Variants in CENPF observed in about 807,000 individuals in gnomAD.
CENPF encodes AH antigen.
Under a neutral mutation model 307.3 loss-of-function variants are expected in CENPF, and 214 were observed. The observed-to-expected ratio is 0.70, with a 90% CI of 0.62 to 0.78. The LOEUF is 0.78. Among genes scored for constraint, CENPF ranks in the 30% least tolerant of loss-of-function variants. The pLI is 0.00. For synonymous variants in CENPF, 1,259 were observed against 1,270.6 expected (o/e 0.99, Z 0.19); for missense variants, 3,401 against 3,483.9 (o/e 0.98, Z 0.60).
intron 6 of CENPF, among the ~76,000 whole-genome samples, 187 bp from the exon 7 acceptor site, chr1:214,621,892 A>C (rs1402139426): frequency 6.6e-6 from 1 of 152,256 alleles, no homozygotes; most frequent in Admixed American, 6.5e-5. Context: ...CTTTCTATAG[A>C]GTATTTGAAT....
chr1:214,630,671 C>T lies in CENPF; in HGVS notation c.1323+9C>T, dbSNP rs369165962. ...AGGCTGAACTGGATAAAGTAGGGGC[C>T]GTGTCTCTCTCTCTCTCCTTAATCA... On this transcript the variant is annotated intron_variant, in intron 9 of 19. Transcript: ENST00000366955. 17 of 1,613,230 alleles carry T rather than the reference C, an allele frequency of 1.1e-5. No homozygotes were observed. The East Asian group carries it at 1.3e-4, about 13-fold the overall frequency.
intron 3 of CENPF, among the ~76,000 whole-genome samples, chr1:214,617,089 C>G (rs1657381766): frequency 6.6e-6 from 1 of 150,948 alleles, no homozygotes; most frequent in South Asian, 2.1e-4. Context: ...CTCTGTTGCC[C>G]AGGCTGGAGT....
chr1:214,642,896 C>A lies in CENPF; in HGVS notation c.4558C>A (p.Gln1520Lys). The A allele has an allele frequency of 6.2e-7, 1 of 1,613,948 alleles. No individual in the cohort carries two copies. The highest frequency in any genetic ancestry group is 8.5e-7 in the Non-Finnish European group (1 of 1,179,994). The change falls in exon 12 of 20, where the codon CAG (glutamine) becomes AAG (lysine). Residue 1520 changes from glutamine (Q) to lysine (K), a missense_variant. Physicochemically the swap from Gln to Lys is moderately conservative, Grantham distance 53. Coordinates refer to ENST00000366955, the MANE Select transcript of CENPF (RefSeq NM_016343.4). Reference protein sequence around the residue: ...SNLEGAVSANQCSVDEVFCSS... With the variant: ...SNLEGAVSANKCSVDEVFCSS... ...TTTAGAAGGGGCTGTTTCAGCAAAC[C>A]AGTGCAGTGTAGATGAAGTATTTTG... is the stretch of plus-strand genomic sequence containing the variant.
Position 214,640,747 on chromosome 1 carries a change from A to G in CENPF, c.2409A>G (p.Glu803=), listed in dbSNP as rs531090111. 1 of 1,614,106 alleles carries G rather than the reference A, an allele frequency of 6.2e-7. No individual in the cohort carries two copies. The highest frequency in any genetic ancestry group is 1.1e-5 in the South Asian group (1 of 91,062). ...ATTCCTTTGCAAATATAATTGGAGA[A>G]CAAGGAAGCATGCCTTCAGAGAGGA... The part of the protein sequence containing the change: ...MHHSFANIIG[E]QGSMPSERSE... Residue 803 remains glutamate (E), a synonymous_variant, in exon 12 of 20, where the codon GAA becomes GAG. Transcript: ENST00000366955.
At position 214,617,713 on chromosome 1, in the gene CENPF, C is replaced by G. The variant is rs139569087; in HGVS notation, c.360-860C>G. Among the ~76,000 whole-genome samples the G allele has an allele frequency of 1.4e-3, 211 of 152,206 alleles. 2 individuals carry two copies. Among genetic ancestry groups the G allele is most frequent in the African/African-American group, 4.9e-3 (204 of 41,538 alleles). On this transcript the variant is annotated intron_variant, in intron 3 of 19. Coordinates refer to ENST00000366955, the MANE Select transcript of CENPF (RefSeq NM_016343.4). Reference sequence around the variant, plus strand: ...ATAATATATGATCTGTATATCAAGTCTATGTTTTTGAAATAACTGACTAAC... The same window carrying G: ...ATAATATATGATCTGTATATCAAGTGTATGTTTTTGAAATAACTGACTAAC...
Position 214,645,906 on chromosome 1 carries a change from G to A in CENPF, c.6336G>A (p.Glu2112=), listed in dbSNP as rs1051535775. The A allele has an allele frequency of 6.2e-7, 1 of 1,614,010 alleles. No individual in the cohort carries two copies. The highest frequency in any genetic ancestry group is 2.2e-5 in the East Asian group (1 of 44,888). Residue 2112 remains glutamate, a synonymous_variant, in exon 13 of 20, where the codon GAG becomes GAA. Transcript: ENST00000366955. ...CATTGAGGCTGAGCTCAACACAGGA[G>A]GAAGTGCATCAGCTGAGAAGAGGCA... ...EFALRLSSTQ[E]EVHQLRRGIE...
intron 14 of CENPF, among the ~76,000 whole-genome samples, chr1:214,649,087 G>T (rs1228291356): frequency 6.6e-6 from 1 of 152,158 alleles, no homozygotes; most frequent in Non-Finnish European, 1.5e-5. Flanking sequence ...CATGGAAGAG[G>T]ACCCTTGGAC....
chr1:214,661,181 A>G (rs1478395471), intron 19 of CENPF, among the ~76,000 whole-genome samples: 3 of 152,226 alleles, frequency 2.0e-5, no homozygotes, highest in Non-Finnish European at 4.4e-5. Flanking sequence ...CATTAGCTAC[A>G]TGCTGTTCAG....
chr1:214,663,803 T>G lies in CENPF; in HGVS notation c.*9T>G, dbSNP rs1658848797. ...ACTGTAAGGTCCAGTGAAGGCACTT[T>G]GTGTGTCAGTACCCCTGGGAGGTGC... On this transcript the variant is annotated 3_prime_UTR_variant, in exon 20 of 20. Coordinates refer to ENST00000366955, the MANE Select transcript of CENPF (RefSeq NM_016343.4). 3 of 1,610,082 alleles carry G rather than the reference T, an allele frequency of 1.9e-6. No homozygotes were observed. Among genetic ancestry groups the G allele is most frequent in the Non-Finnish European group, 2.5e-6 (3 of 1,177,140 alleles).
In CENPF at chr1:214,618,657, T is replaced by C. The variant is rs1453561610; in HGVS notation, c.444T>C (p.Ile148=). The C allele has an allele frequency of 6.2e-7, 1 of 1,613,906 alleles. No individual in the cohort carries two copies. Among genetic ancestry groups the C allele is most frequent in the Non-Finnish European group, 8.5e-7 (1 of 1,179,960 alleles). The change falls in exon 4 of 20, where the codon ATT becomes ATC. Residue 148 remains isoleucine, a synonymous_variant. Coordinates refer to ENST00000366955, the MANE Select transcript of CENPF (RefSeq NM_016343.4). ...SLNPCNTPQK[I]FTTPLTPSQY... ...ATCCATGCAATACACCACAAAAAAT[T>C]TTTACAACTCCACTAACACCAAGTC...
At chr1:214,613,690 C>A in intron 1 of CENPF, 24 bp from the exon 2 acceptor site, 1 of 1,450,876 alleles carries the variant, frequency 6.9e-7, no homozygotes, top group Non-Finnish European at 9.2e-7. Context: ...GTGGTAAGAC[C>A]AACAGTCTGG....
chr1:214,626,419 G>T (rs541893031), intron 7 of CENPF, among the ~76,000 whole-genome samples: 5 of 152,252 alleles, frequency 3.3e-5, no homozygotes, highest in Admixed American at 2.0e-4. Context: ...TAAAAATCAG[G>T]TTCATTTTTA....
In CENPF at chr1:214,613,835, T is replaced by C. The variant is rs1161767600; in HGVS notation, c.81T>C (p.Leu27=). The change falls in exon 2 of 20, where the codon CTT becomes CTC. Residue 27 remains leucine, a synonymous_variant. Coordinates refer to ENST00000366955, the MANE Select transcript of CENPF (RefSeq NM_016343.4). ...LQKIQELEGQ[L]DKLKKEKQQR... is the part of the protein sequence containing the mutation. Reference sequence around the variant, plus strand: ...AAATTCAAGAGCTTGAAGGACAGCTTGACAAACTGAAGAAGGAAAAGCAGC... The same window carrying C: ...AAATTCAAGAGCTTGAAGGACAGCTCGACAAACTGAAGAAGGAAAAGCAGC... 3 of 1,613,988 alleles carry C rather than the reference T, an allele frequency of 1.9e-6. No homozygotes were observed. The Admixed American group carries it at 5.0e-5, about 27-fold the overall frequency.
At chr1:214,654,923 C>T (rs956704507) in intron 16 of CENPF, among the ~76,000 whole-genome samples, 5 of 152,166 alleles carry the variant, frequency 3.3e-5, no homozygotes, top group Admixed American at 6.5e-5. Context: ...AGAATATGTT[C>T]GTTGTCTCCC....
rs1416523211 is a variant in CENPF, at chr1:214,653,168, C to A, written c.8322+179C>A. 3.0e-5 allele frequency: 19 copies of A among 635,740 alleles called. No homozygotes were observed. In the East Asian group the frequency reaches 5.8e-4, roughly 19 times the overall value. 39.4% of individuals were successfully genotyped at this position (635,740 alleles called of 1,614,324 possible). A position where few individuals can be genotyped will look rare whatever the true frequency, so the allele number is the denominator to read the frequency against. ...TTAAAAAAAATCAGTGGGTCATCTA[C>A]AGTCTCATAGCTTGAATAAGCTATC... On this transcript the variant is annotated intron_variant, in intron 16 of 19. Transcript: ENST00000366955.
rs774381166 is a variant in CENPF at position 214,615,009 on chromosome 1, C to G, written c.340C>G (p.Leu114Val). ...TTCAGGCAAAAAACAAATAGAAAAA[C>G]TGGAACAGGAACTTAAAAGGTAATA... Reference protein sequence around the residue: ...LNSGKKQIEKLEQELKRCKSE... With the variant: ...LNSGKKQIEKVEQELKRCKSE... The change falls in exon 3 of 20, where the codon CTG becomes GTG. Residue 114 changes from leucine to valine, a missense_variant. By Grantham distance (32) the Leu-to-Val change is conservative (BLOSUM62 1). Transcript: ENST00000366955. 6.2e-7 allele frequency: 1 copy of G among 1,601,554 alleles called. No homozygotes were observed. Among genetic ancestry groups the G allele is most frequent in the Non-Finnish European group, 8.5e-7 (1 of 1,175,456 alleles).
chr1:214,660,165 T>A (rs1261853366), intron 19 of CENPF, among the ~76,000 whole-genome samples: 1 of 152,240 alleles, frequency 6.6e-6, no homozygotes, highest in Non-Finnish European at 1.5e-5. Context: ...TTTTTGTTGA[T>A]GTATAAGAGC....
In CENPF at chr1:214,618,638, G is replaced by T. The variant is rs1042316367; in HGVS notation, c.425G>T (p.Cys142Phe). 5 of 1,614,006 alleles carry T rather than the reference G, an allele frequency of 3.1e-6. No homozygotes were observed. The South Asian group carries it at 5.5e-5, about 18-fold the overall frequency. Residue 142 changes from cysteine to phenylalanine, a missense_variant, in exon 4 of 20, where the codon TGC (cysteine) becomes TTC (phenylalanine). By Grantham distance (205) the Cys-to-Phe change is radical. Transcript: ENST00000366955. ...TCTGCAGATGTCTCTCTGAATCCAT[G>T]CAATACACCACAAAAAATTTTTACA... ...AQSADVSLNPCNTPQKIFTTP... is the reference protein window; with the variant it reads ...AQSADVSLNPFNTPQKIFTTP...
At chr1:214,608,019 G>A (rs762339460) in intron 1 of CENPF, among the ~76,000 whole-genome samples, 44 of 152,212 alleles carry the variant, frequency 2.9e-4, no homozygotes, top group Non-Finnish European at 5.7e-4. Flanking sequence ...CCGCCGGGTG[G>A]CATCCACGCC....
Sources: allele counts gnomAD v4.1 joint callset (sites outside exome capture counted in the v4.1 genomes callset), GRCh38; gene constraint gnomAD v4.1.1; transcripts MANE v1.5; gene names NCBI Gene and HGNC (gene_info 2026-07-23, HGNC 2026-07-21).